BCAS3: variants seen among roughly 807,000 people sequenced by gnomAD.
The protein encoded by BCAS3 is BCAS4/BCAS3 fusion.
In BCAS3, 53 loss-of-function variants were observed where a neutral mutation model predicts 116.1. The ratio of observed to expected loss-of-function variants is 0.46; its 90% CI spans 0.37 to 0.57. The LOEUF is 0.57. BCAS3 is among the 20% of genes least tolerant of loss of function. The probability of loss-of-function intolerance (pLI) is 0.00; values close to 1 mark genes in which losing one functional copy is unlikely to be tolerated. For synonymous variants in BCAS3, 391 were observed against 408.2 expected (o/e 0.96, Z 0.51); for missense variants, 917 against 1,165.4 (o/e 0.79, Z 3.10).
intron 15 of BCAS3, among the ~76,000 whole-genome samples, chr17:61,011,276 G>A (rs2065096061): frequency 6.6e-6 from 1 of 151,984 alleles, no homozygotes; most frequent in Non-Finnish European, 1.5e-5. Context: ...AAAAAGAATA[G>A]CAATAGACTT....
chr17:60,765,544 TTCTGCTGAGAGATCAG>T, intron 6 of BCAS3, among the ~76,000 whole-genome samples: 1 of 152,358 alleles, frequency 6.6e-6, no homozygotes, highest in Non-Finnish European at 1.5e-5. Context: ...CTTGTAGAGT[TTCTGCTGAGAGATCAG>T]CTGTTAGTCT....
intron 6 of BCAS3, among the ~76,000 whole-genome samples, chr17:60,773,881 A>C (rs1053449858): frequency 1.3e-5 from 2 of 152,078 alleles, no homozygotes; most frequent in Admixed American, 6.6e-5. Context: ...ACCTGCACTT[A>C]AGTGATTGGC....
At chr17:60,868,058 C>G (rs139923893) in intron 7 of BCAS3, among the ~76,000 whole-genome samples, 2,172 of 146,572 alleles carry the variant, frequency 0.015, 24 homozygotes, top group Non-Finnish European at 0.022. Flanking sequence ...GATTCTTGCT[C>G]TGTCACCCAG....
chr17:60,695,650 A>G (rs998866977), intron 4 of BCAS3, among the ~76,000 whole-genome samples: 1 of 152,130 alleles, frequency 6.6e-6, no homozygotes, highest in Non-Finnish European at 1.5e-5. Context: ...TCAGGGTGGA[A>G]TGCAGTGAAA....
At chr17:60,724,927 C>T (rs546890545) in intron 5 of BCAS3, among the ~76,000 whole-genome samples, 1 of 152,154 alleles carries the variant, frequency 6.6e-6, no homozygotes, top group East Asian at 1.9e-4. Flanking sequence ...TTATAGCTCA[C>T]TGCAGCCTCC....
Position 61,390,632 on chromosome 17 carries a change from A to G in BCAS3, c.2594-1345A>G, listed in dbSNP as rs1243905476. 6.6e-6 allele frequency: 1 copy of G among 152,024 alleles called. No individual in the cohort carries two copies. The highest frequency in any genetic ancestry group is 2.4e-5 in the African/African-American group (1 of 41,326). The allele number at this position is 152,024 out of a possible 1,614,324, so 9.4% of individuals were successfully genotyped here. A position where few individuals can be genotyped will look rare whatever the true frequency, so the allele number is the denominator to read the frequency against. On this transcript the variant is annotated intron_variant, in intron 23 of 23. Transcript: ENST00000407086. This position sits in a 1 kb window ranked among gnomAD's most constrained non-coding sequence, Gnocchi z 6.8. The stretch of plus-strand genomic sequence containing the variant: ...CTGTGGCTGCTGCAGGCCTGCAGGG[A>G]GTCGGGGTCAGTGGTTCGTTGCTGG...
intron 22 of BCAS3, chr17:61,245,267 C>A (rs1354388372): frequency 6.6e-6 from 1 of 151,964 alleles, no homozygotes; most frequent in East Asian, 1.9e-4. Flanking sequence ...GGAAACTGCC[C>A]CCATGATTCA....
chr17:60,894,172 G>T (rs1454767233), intron 10 of BCAS3, among the ~76,000 whole-genome samples: 3 of 152,104 alleles, frequency 2.0e-5, no homozygotes, highest in Non-Finnish European at 4.4e-5. Flanking sequence ...TCTCTGGCCA[G>T]TATGGTCATT....
At chr17:60,771,196 C>A (rs2044668925) in intron 6 of BCAS3, among the ~76,000 whole-genome samples, 1 of 152,008 alleles carries the variant, frequency 6.6e-6, no homozygotes, top group South Asian at 2.1e-4. Context: ...CTGAGAAACG[C>A]TTTTACCACA....
chr17:60,794,135 G>A (rs2047013626), intron 6 of BCAS3, among the ~76,000 whole-genome samples: 1 of 152,122 alleles, frequency 6.6e-6, no homozygotes, highest in South Asian at 2.1e-4. Context: ...TTGTGGTTTT[G>A]ACTTGCATTT....
chr17:60,816,829 G>A (rs1178698616), intron 7 of BCAS3, among the ~76,000 whole-genome samples: 2 of 152,172 alleles, frequency 1.3e-5, no homozygotes, highest in Admixed American at 1.3e-4. Context: ...AAGCTCATTG[G>A]CGCTAGAGTG....
At chr17:60,923,972 GT>G (rs1238263036) in intron 12 of BCAS3, among the ~76,000 whole-genome samples, 1 of 152,076 alleles carries the variant, frequency 6.6e-6, no homozygotes, top group Non-Finnish European at 1.5e-5. Flanking sequence ...AAATTATGTT[GT>G]TTCCCCCCCA....
In BCAS3 at chr17:61,352,891, C is replaced by T. The variant is rs896831396; in HGVS notation, c.2426-15436C>T. 2.0e-5 allele frequency among the ~76,000 whole-genome samples: 3 copies of T among 152,188 alleles called. No homozygotes were observed. The highest frequency in any genetic ancestry group is 6.5e-5 in the Admixed American group (1 of 15,270). ...TCCTGCTCGGCTCCTAGGCTGCTAG[C>T]GGGAGGTATGAATTTCTCTTGTTTG... is the stretch of plus-strand genomic sequence containing the variant. On this transcript the variant is annotated intron_variant, in intron 22 of 23. Coordinates refer to ENST00000407086, the MANE Select transcript of BCAS3 (RefSeq NM_017679.5). This position sits in a 1 kb window ranked among gnomAD's most constrained non-coding sequence, Gnocchi z 4.7.
At chr17:60,752,356 A>G (rs2042553610) in intron 6 of BCAS3, among the ~76,000 whole-genome samples, 1 of 152,150 alleles carries the variant, frequency 6.6e-6, no homozygotes, top group Non-Finnish European at 1.5e-5. Flanking sequence ...GTACATTTAA[A>G]AAAGTATACA....
At position 61,063,405 on chromosome 17, in the gene BCAS3, G is replaced by A. The variant is rs1361848997; in HGVS notation, c.2030-11515G>A. 2.0e-5 allele frequency among the ~76,000 whole-genome samples: 3 copies of A among 151,994 alleles called. No homozygotes were observed. Among genetic ancestry groups the A allele is most frequent in the African/African-American group, 7.3e-5 (3 of 41,378 alleles). ...ACGCCTCAGCCTCCCGAGTAGCTGG[G>A]ACTACAGGCACCTGCCACCACGCTT... is the stretch of plus-strand genomic sequence containing the variant. On this transcript the variant is annotated intron_variant, in intron 19 of 23. Coordinates refer to ENST00000407086, the MANE Select transcript of BCAS3 (RefSeq NM_017679.5). This position sits in a 1 kb window ranked among gnomAD's most constrained non-coding sequence, Gnocchi z 5.3.
chr17:60,857,176 T>C (rs181156800), intron 7 of BCAS3, among the ~76,000 whole-genome samples: 103 of 152,320 alleles, frequency 6.8e-4, no homozygotes, highest in African/African-American at 2.2e-3. Flanking sequence ...GTAAAATGCC[T>C]TTACTATGCA....
intron 15 of BCAS3, among the ~76,000 whole-genome samples, chr17:60,997,425 A>G (rs1356014588): frequency 6.6e-6 from 1 of 152,196 alleles, no homozygotes; most frequent in Non-Finnish European, 1.5e-5. Context: ...TGTAAGGGGA[A>G]GCAGGAACAT....
intron 7 of BCAS3, among the ~76,000 whole-genome samples, chr17:60,838,760 A>G (rs1054492391): frequency 2.2e-4 from 34 of 152,364 alleles, no homozygotes; most frequent in African/African-American, 7.5e-4. Context: ...ATGTTTTTCT[A>G]GACAAAATCT....
At chr17:60,880,780 T>C (rs996132605) in intron 9 of BCAS3, among the ~76,000 whole-genome samples, 2 of 152,250 alleles carry the variant, frequency 1.3e-5, no homozygotes, top group Non-Finnish European at 2.9e-5. Context: ...CTAATGACAC[T>C]GACCATTTTT....
Sources: gnomAD v4.1 joint callset for allele counts (sites outside exome capture counted in the v4.1 genomes callset) on GRCh38, gnomAD v4.1.1 for gene constraint, Gnocchi (gnomAD v3.1) non-coding constraint, MANE v1.5 for transcripts, NCBI Gene and HGNC (gene_info 2026-07-23, HGNC 2026-07-21) for gene names.